Variants in SEMA5A observed in about 807,000 individuals in gnomAD.
The protein encoded by SEMA5A is semaphorin 5A.
Under a neutral mutation model 135.5 loss-of-function variants are expected in SEMA5A, and 55 were observed. The observed-to-expected ratio is 0.41, with a 90% CI of 0.33 to 0.51. The LOEUF is 0.51. Ranked by LOEUF, SEMA5A falls within the 20% of genes least tolerant of loss-of-function variation. The pLI is 0.37. For synonymous variants in SEMA5A, 580 were observed against 546.5 expected (o/e 1.06, Z -0.85); for missense variants, 1,290 against 1,419.9 (o/e 0.91, Z 1.47).
Position 9,066,489 on chromosome 5 carries a change from T to C in SEMA5A, c.2231A>G (p.Glu744Gly). 6.2e-7 allele frequency: 1 copy of C among 1,614,170 alleles called. No individual in the cohort carries two copies. Among genetic ancestry groups the C allele is most frequent in the Non-Finnish European group, 8.5e-7 (1 of 1,180,032 alleles). ...CATTTCGATTCTCTGTCTTCCCACT[T>C]CCAGCAAATTCGGATCAGCCAGGCG... is the stretch of plus-strand genomic sequence containing the variant. ...KARLADPNLL[E>G]VGRQRIEMRY... is the part of the protein sequence containing the mutation. The change falls in exon 17 of 23, where the codon GAA (glutamate) becomes GGA (glycine). Residue 744 changes from glutamate (E) to glycine (G), a missense_variant. Physicochemically the swap from Glu to Gly is moderately conservative, Grantham distance 98. Coordinates refer to ENST00000382496, the MANE Select transcript of SEMA5A (RefSeq NM_003966.3).
chr5:9,495,481 CT>C (rs1408874025), intron 1 of SEMA5A, among the ~76,000 whole-genome samples: 2 of 152,198 alleles, frequency 1.3e-5, no homozygotes, highest in African/African-American at 2.4e-5. Flanking sequence ...GAAATAGAAT[CT>C]GTGCTCCATC....
At chr5:9,339,086 T>C (rs1042167125) in intron 3 of SEMA5A, among the ~76,000 whole-genome samples, 4 of 152,160 alleles carry the variant, frequency 2.6e-5, no homozygotes, top group African/African-American at 4.8e-5. Flanking sequence ...TTCTACATTT[T>C]ATAGGCAAAT....
At chr5:9,343,183 A>T (rs1223791991) in intron 3 of SEMA5A, among the ~76,000 whole-genome samples, 5 of 152,344 alleles carry the variant, frequency 3.3e-5, no homozygotes, top group African/African-American at 1.2e-4. Flanking sequence ...GTGATGATCT[A>T]CACAAAAACC....
chr5:9,433,469 A>G (rs1757925156), intron 2 of SEMA5A, among the ~76,000 whole-genome samples: 2 of 152,174 alleles, frequency 1.3e-5, no homozygotes, highest in Non-Finnish European at 2.9e-5. Flanking sequence ...TAATATTCTT[A>G]ATAATTAAGC....
intron 1 of SEMA5A, among the ~76,000 whole-genome samples, chr5:9,490,074 G>A (rs1734924692): frequency 6.6e-6 from 1 of 152,076 alleles, no homozygotes; most frequent in African/African-American, 2.4e-5. Context: ...CCTTGGTGAG[G>A]CTATGCAGGT....
At chr5:9,049,863 G>A (rs954942560) in intron 21 of SEMA5A, among the ~76,000 whole-genome samples, 4 of 152,158 alleles carry the variant, frequency 2.6e-5, no homozygotes, top group African/African-American at 9.7e-5. Flanking sequence ...ATTCAGGGTG[G>A]CAGGAGGTTT....
At chr5:9,052,059 G>T (rs748198639) in intron 19 of SEMA5A, 31 bp from the exon 20 acceptor site, 3 of 1,534,758 alleles carry the variant, frequency 2.0e-6, no homozygotes, top group Non-Finnish European at 2.6e-6. Context: ...GAGATGGGGC[G>T]GAATGGCCAG....
chr5:9,220,508 C>A (rs1005309999), intron 8 of SEMA5A, among the ~76,000 whole-genome samples: 1 of 151,742 alleles, frequency 6.6e-6, no homozygotes, highest in East Asian at 1.9e-4. Context: ...TAACCAAAAA[C>A]CACCTGTGCC....
chr5:9,268,274 G>A (rs925168104), intron 5 of SEMA5A, among the ~76,000 whole-genome samples: 3 of 152,042 alleles, frequency 2.0e-5, no homozygotes, highest in African/African-American at 4.8e-5. Flanking sequence ...TTAACACATC[G>A]ATAAAAATAC....
intron 16 of SEMA5A, among the ~76,000 whole-genome samples, chr5:9,068,626 A>G (rs955861209): frequency 1.1e-4 from 16 of 152,166 alleles, no homozygotes; most frequent in Middle Eastern, 3.2e-3. Flanking sequence ...CCCTTGGTGG[A>G]GTGGGAGAGA....
At chr5:9,371,871 T>C (rs1274798301) in intron 3 of SEMA5A, among the ~76,000 whole-genome samples, 3 of 152,188 alleles carry the variant, frequency 2.0e-5, no homozygotes, top group Non-Finnish European at 4.4e-5. Context: ...ACAGAGAAAA[T>C]GTTGAGTTCA....
chr5:9,404,177 G>A (rs1756784569), intron 2 of SEMA5A, among the ~76,000 whole-genome samples: 1 of 152,040 alleles, frequency 6.6e-6, no homozygotes, highest in African/African-American at 2.4e-5. Context: ...CAGGTGATCT[G>A]CCTACCTCAG....
intron 1 of SEMA5A, among the ~76,000 whole-genome samples, chr5:9,485,083 C>A (rs1579617939): frequency 6.6e-6 from 1 of 151,964 alleles, no homozygotes. Flanking sequence ...TGTAATTATT[C>A]ATTGTTTATC....
At chr5:9,403,278 C>A (rs1183916728) in intron 2 of SEMA5A, among the ~76,000 whole-genome samples, 1 of 152,246 alleles carries the variant, frequency 6.6e-6, no homozygotes, top group South Asian at 2.1e-4. Context: ...CAAACCAGAC[C>A]GTAAGCAAAG....
chr5:9,143,646 C>A (rs991680740), intron 12 of SEMA5A, among the ~76,000 whole-genome samples: 2 of 152,080 alleles, frequency 1.3e-5, no homozygotes, highest in Admixed American at 1.3e-4. Flanking sequence ...ATTTAAAAAA[C>A]AGTGATGGGA....
intron 10 of SEMA5A, among the ~76,000 whole-genome samples, chr5:9,195,380 C>T (rs1039344114): frequency 2.0e-5 from 3 of 152,118 alleles, no homozygotes; most frequent in Non-Finnish European, 2.9e-5. Context: ...CTCTGTTACC[C>T]AGGCTTGTCT....
At chr5:9,434,166 G>A (rs1273854448) in intron 2 of SEMA5A, among the ~76,000 whole-genome samples, 2 of 152,116 alleles carry the variant, frequency 1.3e-5, no homozygotes, top group East Asian at 1.9e-4. Flanking sequence ...GCCTTTACAC[G>A]ATAGAGTATT....
chr5:9,220,812 T>G (rs1746904657), intron 8 of SEMA5A, among the ~76,000 whole-genome samples: 1 of 152,140 alleles, frequency 6.6e-6, no homozygotes, highest in Non-Finnish European at 1.5e-5. Flanking sequence ...AGGTAATGGC[T>G]GGAAATCGGT....
intron 8 of SEMA5A, among the ~76,000 whole-genome samples, chr5:9,208,256 C>T (rs1040945487): frequency 7.5e-6 from 1 of 134,158 alleles, no homozygotes; most frequent in African/African-American, 2.8e-5. Context: ...GTATGCATTC[C>T]GTATATCAAA....
Sources: gnomAD v4.1 joint callset for allele counts (sites outside exome capture counted in the v4.1 genomes callset) on GRCh38, gnomAD v4.1.1 for gene constraint, MANE v1.5 for transcripts, NCBI Gene and HGNC (gene_info 2026-07-23, HGNC 2026-07-21) for gene names.